Variants in DIP2A observed in about 807,000 individuals in gnomAD.
DIP2A encodes the protein DIP2 acetate--CoA ligase A, also known as disco-interacting protein 2 homolog A.
DIP2A carries 85 observed loss-of-function variants against 177.4 expected under a neutral mutation model. The ratio of observed to expected loss-of-function variants is 0.48; its 90% CI spans 0.40 to 0.57. The LOEUF is 0.57. DIP2A is among the 20% of genes least tolerant of loss of function. The pLI is 0.00. For synonymous variants in DIP2A, 886 were observed against 881.8 expected (o/e 1.00, Z -0.08); for missense variants, 1,791 against 2,100.2 (o/e 0.85, Z 2.88).
At chr21:46,545,042 GT>G in intron 18 of DIP2A, 94 bp from the exon 19 acceptor site, 1 of 1,297,472 alleles carries the variant, frequency 7.7e-7, no homozygotes, top group Non-Finnish European at 1.0e-6. Context: ...ATAACATCCT[GT>G]TTCCATAACC....
the DIP2A span, among the ~76,000 whole-genome samples, chr21:46,579,591 G>A: frequency 2.6e-5 from 4 of 152,130 alleles, no homozygotes; most frequent in African/African-American, 4.8e-5. Context: ...TGGGCATTTA[G>A]TGCTATAAAT....
intron 35 of DIP2A, among the ~76,000 whole-genome samples, chr21:46,564,474 C>T (rs1198613177): frequency 1.3e-5 from 2 of 152,172 alleles, no homozygotes; most frequent in Admixed American, 6.5e-5. Flanking sequence ...ATGTATTGCA[C>T]GTACATCTTG....
Position 46,549,802 on chromosome 21 carries a change from G to A in DIP2A, c.2554G>A (p.Asp852Asn), listed in dbSNP as rs1601804424. ...IAVFSVTVLH[D>N]DRIVLVAEQR... ...TGTGTTCTCTGTGACCGTGCTGCAC[G>A]ACGACCGGATTGTCCTGGTGGCTGA... is the stretch of plus-strand genomic sequence containing the variant. Residue 852 changes from aspartate (D) to asparagine (N), a missense_variant, in exon 22 of 38, where the codon GAC becomes AAC. Asp to Asn is a conservative substitution (Grantham distance 23). Transcript: ENST00000417564. 3.7e-6 allele frequency: 6 copies of A among 1,613,732 alleles called. No individual in the cohort carries two copies. Among genetic ancestry groups the A allele is most frequent in the African/African-American group, 1.3e-5 (1 of 75,048 alleles).
chr21:46,533,310 A>C (rs2059426958), intron 10 of DIP2A, among the ~76,000 whole-genome samples: 1 of 152,248 alleles, frequency 6.6e-6, no homozygotes, highest in South Asian at 2.1e-4. Flanking sequence ...ATACAAACCA[A>C]AATTATCTTT....
intron 7 of DIP2A, among the ~76,000 whole-genome samples, chr21:46,509,614 A>G (rs1045990572): frequency 6.6e-6 from 1 of 152,154 alleles, no homozygotes. Context: ...AAATTCTTCT[A>G]CGGTTTTATT....
the DIP2A span, among the ~76,000 whole-genome samples, chr21:46,577,610 A>G: frequency 3.4e-5 from 5 of 148,750 alleles, no homozygotes; most frequent in Non-Finnish European, 7.4e-5. Context: ...TCTTGGCTAT[A>G]TGGGCTTTTT....
rs922285239 is a variant in DIP2A at position 46,568,641 on chromosome 21, T to G, written c.*1019T>G. The G allele has an allele frequency of 6.6e-6, 1 of 152,222 alleles. No homozygotes were observed. Among genetic ancestry groups the G allele is most frequent in the African/African-American group, 2.4e-5 (1 of 41,462 alleles). 9.4% of individuals were successfully genotyped at this position (152,222 alleles called of 1,614,324 possible). ...CAGAAAGATAAGCCAGCATTTAGTT[T>G]TAAATCACTTTCCTGGTTTGTAACT... On this transcript the variant is annotated 3_prime_UTR_variant, in exon 38 of 38. Transcript: ENST00000417564.
chr21:46,499,880 G>A (rs1467051726), intron 5 of DIP2A, among the ~76,000 whole-genome samples: 1 of 152,198 alleles, frequency 6.6e-6, no homozygotes, highest in Non-Finnish European at 1.5e-5. Flanking sequence ...CTTAAGTGGT[G>A]AAGCCAGGGC....
At chr21:46,489,338 G>C (rs941539682) in intron 2 of DIP2A, among the ~76,000 whole-genome samples, 2 of 152,238 alleles carry the variant, frequency 1.3e-5, no homozygotes, top group Non-Finnish European at 2.9e-5. Flanking sequence ...CAGAGCCAGA[G>C]CTGGGTGCTC....
Position 46,561,797 on chromosome 21 carries a change from T to C in DIP2A, c.4081T>C (p.Ser1361Pro). The change falls in exon 34 of 38, where the codon TCT becomes CCT. Residue 1361 changes from serine (S) to proline (P), a missense_variant. Coordinates refer to ENST00000417564, the MANE Select transcript of DIP2A (RefSeq NM_015151.4). Reference sequence around the variant, plus strand: ...TCCGCACAGCCTGCCATTGATGGAGTCTGGAAAGGTAGTGGAAACCAAGAC... The same window carrying C: ...TCCGCACAGCCTGCCATTGATGGAGCCTGGAAAGGTAGTGGAAACCAAGAC... ...GSPHSLPLME[S>P]GKILPGVKVI... 1.9e-6 allele frequency: 3 copies of C among 1,613,788 alleles called. No homozygotes were observed. Among genetic ancestry groups the C allele is most frequent in the Non-Finnish European group, 2.5e-6 (3 of 1,179,838 alleles).
intron 22 of DIP2A, chr21:46,550,204 CA>C: frequency 1.3e-6 from 1 of 741,708 alleles, no homozygotes; most frequent in Non-Finnish European, 2.1e-6. Context: ...CCAGTCTGTG[CA>C]ATATATCTCA....
At chr21:46,459,389 C>G (rs998664684) in intron 1 of DIP2A, among the ~76,000 whole-genome samples, 167 bp downstream of exon 1, 13 of 146,810 alleles carry the variant, frequency 8.9e-5, no homozygotes, top group African/African-American at 3.3e-4. Context: ...CTCAACGGGA[C>G]CCCGGTTCCT....
intron 1 of DIP2A, among the ~76,000 whole-genome samples, chr21:46,464,247 G>T (rs13052128): frequency 6.6e-6 from 1 of 151,810 alleles, no homozygotes; most frequent in Non-Finnish European, 1.5e-5. Context: ...CAAAAAATTA[G>T]CCGGGCGTGG....
At chr21:46,555,727 C>A in intron 28 of DIP2A, 1 of 513,360 alleles carries the variant, frequency 1.9e-6, no homozygotes, top group Non-Finnish European at 3.5e-6. Context: ...GATGCCTCCC[C>A]TCTTCGCCCT....
chr21:46,555,628 C>T (rs904075773), intron 28 of DIP2A: 2 of 275,750 alleles, frequency 7.3e-6, no homozygotes, highest in East Asian at 1.1e-4. Flanking sequence ...TTGCTGTGGT[C>T]GGGACTCGGC....
At chr21:46,572,787 T>A (rs1244840972), downstream of DIP2A, among the ~76,000 whole-genome samples, 1 of 152,228 alleles carries the variant, frequency 6.6e-6, no homozygotes, top group African/African-American at 2.4e-5. Context: ...CAACATACAA[T>A]GGACTGAGTG....
At chr21:46,477,367 A>G (rs1004719883) in intron 1 of DIP2A, among the ~76,000 whole-genome samples, 3 of 151,306 alleles carry the variant, frequency 2.0e-5, no homozygotes, top group Non-Finnish European at 2.9e-5. Flanking sequence ...TCTCTACTAA[A>G]AATACAAAAA....
chr21:46,461,418 AAATCACATAT>A (rs2054303926), intron 1 of DIP2A, among the ~76,000 whole-genome samples: 1 of 152,152 alleles, frequency 6.6e-6, no homozygotes, highest in African/African-American at 2.4e-5. Context: ...TCTTTAGGGA[AAATCACATAT>A]ACGCAGTTTA....
downstream of DIP2A, among the ~76,000 whole-genome samples, chr21:46,570,117 A>G (rs1210478172): frequency 2.0e-5 from 3 of 152,238 alleles, no homozygotes; most frequent in Non-Finnish European, 2.9e-5. Flanking sequence ...TTGTTTCAAC[A>G]GGACTGCAGT....
Sources: gnomAD v4.1 joint callset for allele counts (sites outside exome capture counted in the v4.1 genomes callset) on GRCh38, gnomAD v4.1.1 for gene constraint, MANE v1.5 for transcripts, NCBI Gene and HGNC (gene_info 2026-07-23, HGNC 2026-07-21) for gene names.